ATP6V1C2: variants seen among roughly 807,000 people sequenced by gnomAD.
ATP6V1C2 encodes the protein V-type proton ATPase subunit C 2.
In ATP6V1C2, 45 loss-of-function variants were observed where a neutral mutation model predicts 56.8. The observed-to-expected ratio is 0.79, with a 90% confidence interval of 0.62 to 1.02. The LOEUF is 1.02. Ranked by LOEUF, ATP6V1C2 falls within the 50% of genes least tolerant of loss-of-function variation. The probability of loss-of-function intolerance (pLI) is 0.00; values close to 1 mark genes in which losing one functional copy is unlikely to be tolerated. For synonymous variants in ATP6V1C2, 220 were observed against 201.3 expected, an observed-to-expected ratio of 1.09 and a Z score of -0.79; for missense variants, 463 against 519.7, an observed-to-expected ratio of 0.89 and a Z score of 1.06.
At chr2:10,747,719 T>C (rs1662998594) in intron 3 of ATP6V1C2, among the ~76,000 whole-genome samples, 2 of 152,066 alleles carry the variant, frequency 1.3e-5, no homozygotes, top group Admixed American at 1.3e-4. Flanking sequence ...AAAAGCACAC[T>C]TTCTACCAAA....
chr2:10,775,798 T>C (rs1325399960), intron 10 of ATP6V1C2, among the ~76,000 whole-genome samples: 2 of 152,148 alleles, frequency 1.3e-5, no homozygotes, highest in South Asian at 2.1e-4. Flanking sequence ...AAGGAGCCTG[T>C]CTGGGTGGAA....
intron 4 of ATP6V1C2, among the ~76,000 whole-genome samples, chr2:10,754,869 G>T (rs139973285): frequency 6.6e-6 from 1 of 151,782 alleles, no homozygotes; most frequent in Non-Finnish European, 1.5e-5. Flanking sequence ...GAGCCACCGC[G>T]CCCGGCCTAT....
At position 10,768,727 on chromosome 2, in the gene ATP6V1C2, G is replaced by A. The variant is rs770014969; in HGVS notation, c.387G>A (p.Ala129=). ...TTGCTTTCCCAAAACAGCAACTGGCGCAGATCGAGATGGACCTGAAGTCCC... is the reference window on the plus strand; with the variant it reads ...TTGCTTTCCCAAAACAGCAACTGGCACAGATCGAGATGGACCTGAAGTCCC... ...SVVDTIAKQL[A]QIEMDLKSRT... The change falls in exon 6 of 14, where the codon GCG becomes GCA. Residue 129 remains alanine, a synonymous_variant. Coordinates refer to ENST00000272238, the MANE Select transcript of ATP6V1C2 (RefSeq NM_001039362.2). 22 of 1,613,878 alleles carry A rather than the reference G, an allele frequency of 1.4e-5. No individual in the cohort carries two copies. In the East Asian group the frequency reaches 1.6e-4, roughly 11 times the overall value.
chr2:10,723,504 G>T (rs370819545), intron 2 of ATP6V1C2, among the ~76,000 whole-genome samples: 4 of 152,058 alleles, frequency 2.6e-5, no homozygotes, highest in Admixed American at 1.3e-4. Flanking sequence ...GCATCTAAGG[G>T]TTCTTGGAGT....
rs1665523394 is a variant in ATP6V1C2, at chr2:10,783,480, G to C, written c.*217G>C. The stretch of plus-strand genomic sequence containing the variant: ...CAACAAATTCAAAACTTCATTTTCT[G>C]AATGTTTTACATAAATGCGAACTAC... On this transcript the variant is annotated 3_prime_UTR_variant, in exon 14 of 14. Transcript: ENST00000272238. 1 of 464,820 alleles carries C rather than the reference G, an allele frequency of 2.2e-6. No homozygotes were observed. The highest frequency in any genetic ancestry group is 3.9e-6 in the Non-Finnish European group (1 of 258,316). 28.8% of individuals were successfully genotyped at this position (464,820 alleles called of 1,614,324 possible).
At chr2:10,722,694 T>C in intron 1 of ATP6V1C2, 130 bp from the exon 2 acceptor site, 2 of 1,032,590 alleles carry the variant, frequency 1.9e-6, no homozygotes, top group Admixed American at 5.7e-5. Flanking sequence ...AGCTTTGCTT[T>C]TGCAAATGGA....
Position 10,783,511 on chromosome 2 carries a change from C to T in ATP6V1C2, c.*248C>T, listed in dbSNP as rs749964258. 49 of 380,062 alleles carry T rather than the reference C, an allele frequency of 1.3e-4. 1 individual carries two copies. The highest frequency in any genetic ancestry group is 7.8e-4 in the Middle Eastern group (1 of 1,274). The allele number at this position is 380,062 out of a possible 1,614,324, so 23.5% of individuals were successfully genotyped here. Reference sequence around the variant, plus strand: ...TTTACATAAATGCGAACTACCTGTTCGCATTGGTAACCTGCTGCTGTATTT... The same window carrying T: ...TTTACATAAATGCGAACTACCTGTTTGCATTGGTAACCTGCTGCTGTATTT... On this transcript the variant is annotated 3_prime_UTR_variant, in exon 14 of 14. Transcript: ENST00000272238.
At chr2:10,750,123 C>T (rs1663128002) in intron 3 of ATP6V1C2, among the ~76,000 whole-genome samples, 1 of 152,160 alleles carries the variant, frequency 6.6e-6, no homozygotes, top group African/African-American at 2.4e-5. Flanking sequence ...TTATGTGGAA[C>T]CAGGGCTTTT....
chr2:10,743,331 C>T (rs1231411924), intron 3 of ATP6V1C2, among the ~76,000 whole-genome samples: 2 of 150,738 alleles, frequency 1.3e-5, no homozygotes, highest in Non-Finnish European at 2.9e-5. Flanking sequence ...TCTCGAACTC[C>T]TGGGCTCAAG....
rs1023658001 is a variant in ATP6V1C2, at chr2:10,726,706, A to G, written c.197+137A>G. 5.2e-5 allele frequency: 40 copies of G among 772,338 alleles called. No individual in the cohort carries two copies. The Admixed American group carries it at 7.8e-4, about 15-fold the overall frequency. 47.8% of individuals were successfully genotyped at this position (772,338 alleles called of 1,614,324 possible). A position where few individuals can be genotyped will look rare whatever the true frequency, so the allele number is the denominator to read the frequency against. ...CAAAAGTGAGCAGAGAAAACCGATC[A>G]GTCCCCCTGCGGGTGCTGGGTCTGC... On this transcript the variant is annotated intron_variant, in intron 3 of 13. Coordinates refer to ENST00000272238, the MANE Select transcript of ATP6V1C2 (RefSeq NM_001039362.2).
chr2:10,783,574 T>C lies in ATP6V1C2; in HGVS notation c.*311T>C, dbSNP rs1060005. The C allele has an allele frequency of 0.024, 6,803 of 284,522 alleles. 146 individuals carry two copies. The highest frequency in any genetic ancestry group is 0.059 in the African/African-American group (2,604 of 44,500). 17.6% of individuals were successfully genotyped at this position (284,522 alleles called of 1,614,324 possible). A position where few individuals can be genotyped will look rare whatever the true frequency, so the allele number is the denominator to read the frequency against. On this transcript the variant is annotated 3_prime_UTR_variant, in exon 14 of 14. Transcript: ENST00000272238. ...GCTATTTTGAGGTTCATTAACAACA[T>C]AGAAAGCCTTGAACTGTATAACCAG...
chr2:10,728,498 A>C (rs1005021094), intron 3 of ATP6V1C2, among the ~76,000 whole-genome samples: 2 of 152,172 alleles, frequency 1.3e-5, no homozygotes, highest in Non-Finnish European at 2.9e-5. Flanking sequence ...CGTTCTTTTA[A>C]TGGCTGTGTT....
rs772984402 is a variant in ATP6V1C2 at position 10,778,585 on chromosome 2, G to A, written c.977G>A (p.Arg326His). The stretch of plus-strand genomic sequence containing the variant: ...CTGTCTTTGCAGGGCCCCCTGCTGC[G>A]CTGGCTCAAGGTGAACTTCAGTGAA... ...SEGEGEGPLLRWLKVNFSEAF... is the reference protein window; with the variant it reads ...SEGEGEGPLLHWLKVNFSEAF... Residue 326 changes from arginine (R) to histidine (H), a missense_variant, in exon 12 of 14, where the codon CGC becomes CAC. Arg to His is a conservative substitution (Grantham distance 29, BLOSUM62 0). Transcript: ENST00000272238. 12 of 1,614,032 alleles carry A rather than the reference G, an allele frequency of 7.4e-6. No homozygotes were observed. Among genetic ancestry groups the A allele is most frequent in the East Asian group, 2.2e-5 (1 of 44,890 alleles).
At chr2:10,726,478 C>T (rs1558383316) in intron 2 of ATP6V1C2, 24 bp from the exon 3 acceptor site, 1 of 1,605,890 alleles carries the variant, frequency 6.2e-7, no homozygotes, top group Non-Finnish European at 8.5e-7. Context: ...CTGTGAGCCT[C>T]TGACGTTTTT....
At position 10,753,962 on chromosome 2, in the gene ATP6V1C2, T is replaced by C; in HGVS notation, c.198-19T>C. On this transcript the variant is annotated intron_variant, in intron 3 of 13. Coordinates refer to ENST00000272238, the MANE Select transcript of ATP6V1C2 (RefSeq NM_001039362.2). ...ACAGCTTCCTACTCTAACCGGCTCT[T>C]TTTCTTCTCTCTCCAAAGCCTCATA... The C allele has an allele frequency of 6.3e-7, 1 of 1,589,332 alleles. No individual in the cohort carries two copies. Among genetic ancestry groups the C allele is most frequent in the Non-Finnish European group, 8.6e-7 (1 of 1,165,058 alleles).
chr2:10,734,039 TCTC>T (rs1312969614), intron 3 of ATP6V1C2, among the ~76,000 whole-genome samples: 1 of 152,212 alleles, frequency 6.6e-6, no homozygotes, highest in Admixed American at 6.5e-5. Flanking sequence ...AGGCTTTTCT[TCTC>T]TGTTGGTGGA....
intron 3 of ATP6V1C2, among the ~76,000 whole-genome samples, chr2:10,738,508 A>G (rs571988719): frequency 5.9e-5 from 9 of 152,298 alleles, no homozygotes; most frequent in Non-Finnish European, 1.3e-4. Context: ...AGGCATTTCC[A>G]TCTTGGACCC....
chr2:10,761,668 C>T (rs1452367802), intron 4 of ATP6V1C2, among the ~76,000 whole-genome samples: 1 of 152,146 alleles, frequency 6.6e-6, no homozygotes, highest in East Asian at 1.9e-4. Context: ...TGTAGACGGC[C>T]ACCTTCTTGC....
chr2:10,771,889 T>A lies in ATP6V1C2; in HGVS notation c.521T>A (p.Phe174Tyr). ...AGTGATATTGTGAGCAAAGAGGACT[T>A]CGTGCTGGATTCTGAATATCTCGTC... ...TLSDIVSKED[F>Y]VLDSEYLVTL... Residue 174 changes from phenylalanine (F) to tyrosine (Y), a missense_variant, in exon 7 of 14, where the codon TTC (phenylalanine) becomes TAC (tyrosine). Physicochemically the swap from Phe to Tyr is conservative, Grantham distance 22. Transcript: ENST00000272238. The A allele has an allele frequency of 6.2e-7, 1 of 1,614,192 alleles. No individual in the cohort carries two copies. The highest frequency in any genetic ancestry group is 8.5e-7 in the Non-Finnish European group (1 of 1,180,018).
Sources: gnomAD v4.1 joint callset for allele counts (sites outside exome capture counted in the v4.1 genomes callset) on GRCh38, gnomAD v4.1.1 for gene constraint, MANE v1.5 for transcripts, NCBI Gene and HGNC (gene_info 2026-07-23, HGNC 2026-07-21) for gene names.